CADM2: variants seen among roughly 807,000 people sequenced by gnomAD.
CADM2 encodes the protein immunoglobulin superfamily member 4D.
CADM2 carries 12 observed loss-of-function variants against 49.8 expected under a neutral mutation model. The ratio of observed to expected loss-of-function variants is 0.24; its 90% CI spans 0.15 to 0.39. CADM2 has a LOEUF of 0.39. CADM2 is among the 10% of genes least tolerant of loss of function. The probability of loss-of-function intolerance (pLI) is 1.00; values close to 1 mark genes in which losing one functional copy is unlikely to be tolerated. For synonymous variants in CADM2, 214 were observed against 175.4 expected, an observed-to-expected ratio of 1.22 and a Z score of -1.74; for missense variants, 378 against 492.3, an observed-to-expected ratio of 0.77 and a Z score of 2.20.
At chr3:85,936,967 G>A (rs1480637176) in intron 7 of CADM2, among the ~76,000 whole-genome samples, 2 of 151,718 alleles carry the variant, frequency 1.3e-5, no homozygotes, top group Non-Finnish European at 3.0e-5. Flanking sequence ...TTTGGATTAT[G>A]TGCACAATTT....
At chr3:85,285,987 G>A (rs1487438240) in intron 1 of CADM2, among the ~76,000 whole-genome samples, 1 of 152,072 alleles carries the variant, frequency 6.6e-6, no homozygotes, top group African/African-American at 2.4e-5. Flanking sequence ...TTAGACACTG[G>A]TAAAATGAAA....
intron 1 of CADM2, among the ~76,000 whole-genome samples, chr3:85,690,947 T>G (rs1373241605): frequency 1.3e-5 from 2 of 152,204 alleles, no homozygotes; most frequent in Non-Finnish European, 2.9e-5. Flanking sequence ...CTCTTCTAGC[T>G]ATTTTGCCAT....
chr3:85,480,833 G>A (rs1457518922), intron 1 of CADM2, among the ~76,000 whole-genome samples: 1 of 151,674 alleles, frequency 6.6e-6, no homozygotes, highest in Non-Finnish European at 1.5e-5. Flanking sequence ...TTTTAGGACA[G>A]AGTAACACAA....
chr3:85,360,719 A>G (rs1329670042), intron 1 of CADM2, among the ~76,000 whole-genome samples: 1 of 152,084 alleles, frequency 6.6e-6, no homozygotes, highest in Non-Finnish European at 1.5e-5. Context: ...TCCAATTCTG[A>G]CACCCTTATT....
At chr3:86,057,388 G>A (rs571755072) in intron 8 of CADM2, among the ~76,000 whole-genome samples, 35 of 152,198 alleles carry the variant, frequency 2.3e-4, no homozygotes, top group Non-Finnish European at 3.4e-4. Flanking sequence ...TACATATCTG[G>A]ATGAGTCATT....
At position 85,254,566 on chromosome 3, in the gene CADM2, C is replaced by T. The variant is rs141784226; in HGVS notation, c.61+294898C>T. On this transcript the variant is annotated intron_variant, in intron 1 of 9. Transcript: ENST00000383699. Reference sequence around the variant, plus strand: ...ACCAGGAATCTCATTAGCCTACAAACGACAATCTTTTTTCATTTCAGAGTT... The same window carrying T: ...ACCAGGAATCTCATTAGCCTACAAATGACAATCTTTTTTCATTTCAGAGTT... Among the ~76,000 whole-genome samples, 42 of 152,144 alleles carry T rather than the reference C, an allele frequency of 2.8e-4. 1 individual carries two copies. Among genetic ancestry groups the T allele is most frequent in the Middle Eastern group, 3.4e-3 (1 of 294 alleles).
At chr3:85,419,221 C>T (rs2036052586) in intron 1 of CADM2, among the ~76,000 whole-genome samples, 1 of 152,056 alleles carries the variant, frequency 6.6e-6, no homozygotes. Context: ...TTTGGGAGGC[C>T]GAGATGGGTG....
chr3:85,581,785 A>T (rs774639614), intron 1 of CADM2, among the ~76,000 whole-genome samples: 1 of 152,072 alleles, frequency 6.6e-6, no homozygotes, highest in Non-Finnish European at 1.5e-5. Context: ...AGACATTATC[A>T]GACATCTTAA....
At chr3:85,233,878 A>C (rs556691411) in intron 1 of CADM2, among the ~76,000 whole-genome samples, 1 of 152,220 alleles carries the variant, frequency 6.6e-6, no homozygotes, top group East Asian at 1.9e-4. Flanking sequence ...CATAGTAAAA[A>C]TCTTTATCCA....
chr3:85,986,882 G>A (rs1490418844), intron 8 of CADM2, among the ~76,000 whole-genome samples: 1 of 152,006 alleles, frequency 6.6e-6, no homozygotes, highest in East Asian at 1.9e-4. Flanking sequence ...TGGCTTGGGG[G>A]TCCAGGATTT....
intron 3 of CADM2, among the ~76,000 whole-genome samples, chr3:85,830,703 A>C (rs2074143762): frequency 1.3e-5 from 2 of 151,954 alleles, no homozygotes; most frequent in South Asian, 4.2e-4. Flanking sequence ...ATATGGTATA[A>C]GGGTCCAATT....
chr3:85,069,419 T>G (rs2036642075), intron 1 of CADM2, among the ~76,000 whole-genome samples: 1 of 152,152 alleles, frequency 6.6e-6, no homozygotes, highest in Non-Finnish European at 1.5e-5. Context: ...ATTATGCATG[T>G]GTAATCAAAA....
chr3:85,330,192 T>A (rs1358342016), intron 1 of CADM2, among the ~76,000 whole-genome samples: 2 of 152,156 alleles, frequency 1.3e-5, no homozygotes, highest in Admixed American at 1.3e-4. Context: ...CTAGGAATAT[T>A]TGGGCCATTA....
chr3:85,353,065 G>A (rs1429003837), intron 1 of CADM2, among the ~76,000 whole-genome samples: 1 of 152,142 alleles, frequency 6.6e-6, no homozygotes. Flanking sequence ...TCTGTAGAGT[G>A]AGAGCTAATC....
chr3:86,064,374 G>A (rs1157743778), intron 8 of CADM2, among the ~76,000 whole-genome samples: 1 of 152,094 alleles, frequency 6.6e-6, no homozygotes, highest in African/African-American at 2.4e-5. Context: ...TCCCTACAAA[G>A]GACATGGACT....
intron 1 of CADM2, among the ~76,000 whole-genome samples, chr3:85,602,058 A>G (rs1239485802): frequency 6.6e-6 from 1 of 151,834 alleles, no homozygotes; most frequent in Non-Finnish European, 1.5e-5. Context: ...ACTTTCACTT[A>G]GAATTAAAAG....
At chr3:85,328,528 A>C (rs554433310) in intron 1 of CADM2, among the ~76,000 whole-genome samples, 1 of 152,300 alleles carries the variant, frequency 6.6e-6, no homozygotes, top group South Asian at 2.1e-4. Context: ...CCATGTTTCC[A>C]ATTTGCGCTG....
intron 1 of CADM2, among the ~76,000 whole-genome samples, chr3:84,974,302 GACTT>G (rs923498995): frequency 4.0e-5 from 6 of 151,680 alleles, no homozygotes; most frequent in African/African-American, 1.5e-4. Context: ...TCAGTTTAGG[GACTT>G]ACTTATTTGG....
intron 5 of CADM2, among the ~76,000 whole-genome samples, chr3:85,890,650 T>C (rs1184710684): frequency 6.6e-6 from 1 of 152,040 alleles, no homozygotes; most frequent in Non-Finnish European, 1.5e-5. Flanking sequence ...GTGACATAGG[T>C]TTGTGAAATT....
Sources: gnomAD v4.1 joint callset for allele counts (sites outside exome capture counted in the v4.1 genomes callset) on GRCh38, gnomAD v4.1.1 for gene constraint, MANE v1.5 for transcripts, NCBI Gene and HGNC (gene_info 2026-07-23, HGNC 2026-07-21) for gene names.